The following RNPEP variants were observed in gnomAD, a reference collection of about 807,000 sequenced individuals.
RNPEP encodes the protein arginyl aminopeptidase.
Under a neutral mutation model 70.1 loss-of-function variants are expected in RNPEP, and 57 were observed. That is an observed-to-expected ratio of 0.81 (90% confidence interval 0.66 to 1.01). The LOEUF is 1.01. Ranked by LOEUF, RNPEP falls within the 50% of genes least tolerant of loss-of-function variation. RNPEP has a pLI of 0.00. For synonymous variants in RNPEP, 335 were observed against 357.4 expected (o/e 0.94, Z 0.71); for missense variants, 787 against 852.4 (o/e 0.92, Z 0.96).
intron 6 of RNPEP, 182 bp from the exon 7 acceptor site, chr1:202,001,173 TCTTAAGAGAGAGAGTCTTGGC>T: frequency 1.7e-6 from 1 of 577,818 alleles, no homozygotes; most frequent in East Asian, 2.9e-5. Flanking sequence ...GAGATAGAGA[TCTTAAGAGAGAGAGTCTTGGC>T]CTTGAGAGAG....
At position 202,003,374 on chromosome 1, in the gene RNPEP, A is replaced by G. The variant is rs779902055; in HGVS notation, c.1564A>G (p.Ile522Val). 6.2e-7 allele frequency: 1 copy of G among 1,614,184 alleles called. No homozygotes were observed. The highest frequency in any genetic ancestry group is 1.1e-5 in the South Asian group (1 of 91,084). ...WAAEELDMKA[I>V]EAVAISPWKT... is the part of the protein sequence containing the mutation. ...AGCCGAGGAGCTGGACATGAAGGCC[A>G]TTGAAGCCGTGGCCATCTCTCCCTG... The change falls in exon 9 of 11, where the codon ATT (isoleucine) becomes GTT (valine). Residue 522 changes from isoleucine (I) to valine (V), a missense_variant. Ile to Val is a conservative substitution (Grantham distance 29). Coordinates refer to ENST00000295640, the MANE Select transcript of RNPEP (RefSeq NM_020216.4).
intron 3 of RNPEP, among the ~76,000 whole-genome samples, chr1:201,989,917 T>C (rs1231284899): frequency 6.6e-6 from 1 of 151,896 alleles, no homozygotes; most frequent in East Asian, 1.9e-4. Context: ...CGATCTTGGC[T>C]CACTGCAACC....
At position 202,005,774 on chromosome 1, in the gene RNPEP, T is replaced by G; in HGVS notation, c.*58T>G. Reference sequence around the variant, plus strand: ...CTCTCCAGGCTTTCAGAATAATTGTTTGTTCCCAAATTCCTGTTCCCTGAT... The same window carrying G: ...CTCTCCAGGCTTTCAGAATAATTGTGTGTTCCCAAATTCCTGTTCCCTGAT... On this transcript the variant is annotated 3_prime_UTR_variant, in exon 11 of 11. Transcript: ENST00000295640. 4 of 1,586,596 alleles carry G rather than the reference T, an allele frequency of 2.5e-6. No homozygotes were observed. The South Asian group carries it at 3.3e-5, about 13-fold the overall frequency.
At chr1:201,995,395 G>A (rs1683508725) in intron 3 of RNPEP, among the ~76,000 whole-genome samples, 1 of 152,124 alleles carries the variant, frequency 6.6e-6, no homozygotes, top group African/African-American at 2.4e-5. Flanking sequence ...AACATTAGTA[G>A]GTTTGGGTCG....
At chr1:201,991,433 G>T (rs917950336) in intron 3 of RNPEP, among the ~76,000 whole-genome samples, 1 of 152,160 alleles carries the variant, frequency 6.6e-6, no homozygotes, top group Non-Finnish European at 1.5e-5. Flanking sequence ...TTAAATCGGA[G>T]GGTCTTCTGG....
chr1:201,982,723 C>G lies in RNPEP; in HGVS notation c.57C>G (p.Ser19=). The G allele has an allele frequency of 7.1e-7, 1 of 1,403,058 alleles. No individual in the cohort carries two copies. Among genetic ancestry groups the G allele is most frequent in the Non-Finnish European group, 9.3e-7 (1 of 1,074,384 alleles). 86.9% of individuals were successfully genotyped at this position (1,403,058 alleles called of 1,614,324 possible). ...GCGCGGCCCGGCGGCCGCTGCACTC[C>G]GCGCAGGCTGTGGACGTGGCCTCGG... The part of the protein sequence containing the change: ...GSGAARRPLH[S]AQAVDVASAS... The change falls in exon 1 of 11, where the codon TCC becomes TCG. Residue 19 remains serine (S), a synonymous_variant. Transcript: ENST00000295640.
intron 3 of RNPEP, among the ~76,000 whole-genome samples, chr1:201,995,383 T>C (rs1683508279): frequency 6.6e-6 from 1 of 152,200 alleles, no homozygotes; most frequent in South Asian, 2.1e-4. Context: ...CAAATTTCTA[T>C]TAACATTAGT....
At chr1:201,989,141 C>A in intron 2 of RNPEP, 97 bp downstream of exon 2, 1 of 1,450,946 alleles carries the variant, frequency 6.9e-7, no homozygotes, top group Non-Finnish European at 9.4e-7. Context: ...TTATTATATC[C>A]ATTCAGTGGT....
intron 1 of RNPEP, chr1:201,983,495 C>T (rs2102956801): frequency 7.4e-7 from 1 of 1,346,590 alleles, no homozygotes; most frequent in Non-Finnish European, 9.8e-7. Context: ...CACTTAGTGC[C>T]CTCTTGGACT....
rs911223560 is a variant in RNPEP, at chr1:201,985,302, C to T, written c.447+2189C>T. ...CAATTCTTATTGACTGGTATAGTGG[C>T]ACCATCTCAGCTCACTGCAGCCTTG... On this transcript the variant is annotated intron_variant, in intron 1 of 10. Transcript: ENST00000295640. Among the ~76,000 whole-genome samples the T allele has an allele frequency of 3.3e-5, 5 of 152,082 alleles. No homozygotes were observed. The South Asian group carries it at 6.2e-4, about 19-fold the overall frequency.
At chr1:201,999,630 TCCCC>T (rs1357870484) in intron 5 of RNPEP, among the ~76,000 whole-genome samples, 1 of 152,108 alleles carries the variant, frequency 6.6e-6, no homozygotes. Context: ...AAGGTGCGAT[TCCCC>T]CAGTCCTCAC....
chr1:202,001,352 C>T, intron 6 of RNPEP, 24 bp from the exon 7 acceptor site: 2 of 1,538,152 alleles, frequency 1.3e-6, no homozygotes, highest in East Asian at 2.2e-5. Context: ...AAGCTCAAAT[C>T]TTGTCTGCTT....
chr1:201,999,867 C>A (rs747985993), intron 5 of RNPEP, 35 bp from the exon 6 acceptor site: 3 of 1,540,800 alleles, frequency 1.9e-6, no homozygotes, highest in Non-Finnish European at 2.7e-6. Context: ...TGGTGACAGA[C>A]GTTTTCCCGA....
At chr1:202,000,244 A>G (rs1241751863) in intron 6 of RNPEP, 5 of 424,974 alleles carry the variant, frequency 1.2e-5, no homozygotes, top group African/African-American at 2.0e-5. Context: ...TGACTTCACC[A>G]TTGCTTTGCA....
At chr1:201,997,009 G>A (rs1158729735) in intron 4 of RNPEP, among the ~76,000 whole-genome samples, 2 of 152,140 alleles carry the variant, frequency 1.3e-5, no homozygotes, top group African/African-American at 4.8e-5. Flanking sequence ...GGAACTCCAT[G>A]TGATGGAGCT....
intron 4 of RNPEP, among the ~76,000 whole-genome samples, chr1:201,996,754 A>G (rs1489988069): frequency 6.6e-6 from 1 of 152,062 alleles, no homozygotes; most frequent in Non-Finnish European, 1.5e-5. Flanking sequence ...TTGGTCCCAA[A>G]GTGCTGGGAT....
chr1:201,998,966 A>G (rs1683675629), intron 5 of RNPEP, among the ~76,000 whole-genome samples: 1 of 152,352 alleles, frequency 6.6e-6, no homozygotes, highest in African/African-American at 2.4e-5. Context: ...ATTGCCAGGC[A>G]TGGTGGCTCA....
chr1:201,996,789 G>A (rs1165782128), intron 4 of RNPEP, among the ~76,000 whole-genome samples: 1 of 152,098 alleles, frequency 6.6e-6, no homozygotes, highest in African/African-American at 2.4e-5. Context: ...ACCAGGCCCG[G>A]CAGAGAAGAG....
In RNPEP at chr1:202,003,279, CG is replaced by C; in HGVS notation, c.1470del (p.Tyr491ThrfsTer12). 6.2e-7 allele frequency: 1 copy of C among 1,614,038 alleles called. No homozygotes were observed. The highest frequency in any genetic ancestry group is 8.5e-7 in the Non-Finnish European group (1 of 1,180,000). On this transcript the variant is annotated frameshift_variant, in exon 9 of 11. Coordinates refer to ENST00000295640, the MANE Select transcript of RNPEP (RefSeq NM_020216.4). LOFTEE classifies it high-confidence loss of function. ...DRWLNTPGWP[P>X]YLPDLSPGDS... Reference sequence around the variant, plus strand: ...TGGCTGAATACCCCCGGCTGGCCCCCGTACCTCCCTGATCTCTCCCCTGGGG... The same window carrying C: ...TGGCTGAATACCCCCGGCTGGCCCCCTACCTCCCTGATCTCTCCCCTGGGG...
Sources: gnomAD v4.1 joint callset for allele counts (sites outside exome capture counted in the v4.1 genomes callset) on GRCh38, gnomAD v4.1.1 for gene constraint, MANE v1.5 for transcripts, NCBI Gene and HGNC (gene_info 2026-07-23, HGNC 2026-07-21) for gene names.